The following LRRC7 variants were observed in gnomAD, a reference collection of about 807,000 sequenced individuals.
LRRC7 encodes leucine rich repeat containing 7, also known as leucine-rich repeat-containing protein 7.
LRRC7 carries 23 observed loss-of-function variants against 175.7 expected under a neutral mutation model. The ratio of observed to expected loss-of-function variants is 0.13; its 90% CI spans 0.09 to 0.19. The LOEUF is 0.19. Ranked by LOEUF, LRRC7 falls within the 10% of genes least tolerant of loss-of-function variation. The probability of loss-of-function intolerance (pLI) is 1.00; values close to 1 mark genes in which losing one functional copy is unlikely to be tolerated. For missense variants in LRRC7, 1,354 were observed against 1,904.7 expected (o/e 0.71, Z 5.38); for synonymous variants, 685 against 680.9 (o/e 1.01, Z -0.09).
At chr1:69,755,563 T>C (rs976809851) in intron 2 of LRRC7, among the ~76,000 whole-genome samples, 7 of 151,332 alleles carry the variant, frequency 4.6e-5, no homozygotes, top group Non-Finnish European at 1.0e-4. Context: ...CATATATACA[T>C]ACATATATAT....
In LRRC7 at chr1:70,143,054, C is replaced by T. The variant is rs1265859490; in HGVS notation, c.*21167C>T. The T allele has an allele frequency of 1.3e-5, 2 of 152,058 alleles. No individual in the cohort carries two copies. Among genetic ancestry groups the T allele is most frequent in the Admixed American group, 6.6e-5 (1 of 15,260 alleles). 9.4% of individuals were successfully genotyped at this position (152,058 alleles called of 1,614,324 possible). On this transcript the variant is annotated 3_prime_UTR_variant, in exon 27 of 27. Coordinates refer to ENST00000651989, the MANE Select transcript of LRRC7 (RefSeq NM_001370785.2). ...AATTTGTATTTTCCCATATGCCAAACACACACACATAAATTTTCTTTTTCT... is the reference window on the plus strand; with the variant it reads ...AATTTGTATTTTCCCATATGCCAAATACACACACATAAATTTTCTTTTTCT...
chr1:69,674,646 C>T (rs182078898), intron 1 of LRRC7, among the ~76,000 whole-genome samples: 22 of 152,084 alleles, frequency 1.4e-4, no homozygotes, highest in Admixed American at 4.6e-4. Flanking sequence ...TTAGTGTCCT[C>T]GGAAAATTGT....
At chr1:69,791,373 A>G (rs1463759276) in intron 3 of LRRC7, among the ~76,000 whole-genome samples, 1 of 152,040 alleles carries the variant, frequency 6.6e-6, no homozygotes, top group East Asian at 1.9e-4. Flanking sequence ...AGAAGCATCT[A>G]CCTCAACCAG....
chr1:69,805,521 A>T (rs996388630), intron 4 of LRRC7, among the ~76,000 whole-genome samples: 2 of 151,980 alleles, frequency 1.3e-5, no homozygotes, highest in Admixed American at 6.6e-5. Context: ...TCATTATTTT[A>T]TTCTATTAAA....
intron 1 of LRRC7, among the ~76,000 whole-genome samples, chr1:69,573,211 G>A (rs932775460): frequency 6.6e-5 from 10 of 152,286 alleles, no homozygotes; most frequent in East Asian, 5.8e-4. Context: ...TCCATGCCAC[G>A]TGGAAAGTGA....
chr1:69,664,419 C>T lies in LRRC7; in HGVS notation c.3-13962C>T, dbSNP rs539561295. Among the ~76,000 whole-genome samples, 3 of 152,256 alleles carry T rather than the reference C, an allele frequency of 2.0e-5. No individual in the cohort carries two copies. In the East Asian group the frequency reaches 5.8e-4, roughly 29 times the overall value. On this transcript the variant is annotated intron_variant, in intron 1 of 26. Coordinates refer to ENST00000651989, the MANE Select transcript of LRRC7 (RefSeq NM_001370785.2). The stretch of plus-strand genomic sequence containing the variant: ...ATAGTGGTTGTACTAATTTACATTC[C>T]TATCAGCTGTGTACGAGGACTCCCA...
At chr1:69,719,638 T>G (rs1666134876) in intron 2 of LRRC7, among the ~76,000 whole-genome samples, 1 of 151,694 alleles carries the variant, frequency 6.6e-6, no homozygotes, top group Admixed American at 6.6e-5. Flanking sequence ...TTTAGAAAGA[T>G]TACTCTTAAA....
At position 69,647,995 on chromosome 1, in the gene LRRC7, GT is replaced by G. The variant is rs537512586; in HGVS notation, c.3-30382del. On this transcript the variant is annotated intron_variant, in intron 1 of 26. Coordinates refer to ENST00000651989, the MANE Select transcript of LRRC7 (RefSeq NM_001370785.2). ...AAAATGCCTTTAGCTAATATAAAAT[GT>G]TTTCAAAAGTTTATCTAGTAATCCT... Among the ~76,000 whole-genome samples, 988 of 151,966 alleles carry G rather than the reference GT, an allele frequency of 6.5e-3. 5 individuals are homozygous for G. The highest frequency in any genetic ancestry group is 0.023 in the African/African-American group (935 of 41,466).
intron 23 of LRRC7, among the ~76,000 whole-genome samples, chr1:70,059,529 GTTC>G (rs1661417724): frequency 2.1e-5 from 3 of 144,596 alleles, no homozygotes; most frequent in Admixed American, 1.4e-4. Flanking sequence ...TCATTTTCAA[GTTC>G]TTATTATTCT....
At chr1:69,922,132 G>T in intron 7 of LRRC7, among the ~76,000 whole-genome samples, 1 of 152,044 alleles carries the variant, frequency 6.6e-6, no homozygotes. Context: ...CACCATGTTG[G>T]CCAGGCTGGT....
intron 2 of LRRC7, among the ~76,000 whole-genome samples, chr1:69,684,319 A>T (rs1395288297): frequency 6.6e-6 from 1 of 152,190 alleles, no homozygotes; most frequent in Non-Finnish European, 1.5e-5. Flanking sequence ...AATTTCAAAA[A>T]TAAAAATGCA....
chr1:69,982,238 T>C (rs976011280), intron 9 of LRRC7, among the ~76,000 whole-genome samples: 7 of 152,246 alleles, frequency 4.6e-5, no homozygotes, highest in Admixed American at 1.3e-4. Context: ...GTTTCATATG[T>C]ACTGCTAGCT....
intron 23 of LRRC7, among the ~76,000 whole-genome samples, chr1:70,063,581 T>C (rs1020093325): frequency 6.6e-6 from 1 of 152,090 alleles, no homozygotes; most frequent in Non-Finnish European, 1.5e-5. Flanking sequence ...AGTTGCCAGA[T>C]AGAGATGTCA....
At position 70,036,499 on chromosome 1, in the gene LRRC7, C is replaced by T; in HGVS notation, c.2163C>T (p.Ser721=). The part of the protein sequence containing the change: ...DKTHCLNNSV[S]SGTYSDYSPS... ...CTCACTGTCTGAATAACAGTGTTTC[C>T]TCAGGCACTTACTCAGACTACTCGC... Residue 721 remains serine, a synonymous_variant, in exon 20 of 27, where the codon TCC becomes TCT. Transcript: ENST00000651989. 6.2e-7 allele frequency: 1 copy of T among 1,613,968 alleles called. No individual in the cohort carries two copies. The highest frequency in any genetic ancestry group is 8.5e-7 in the Non-Finnish European group (1 of 1,179,906).
chr1:69,875,738 A>G (rs17131068), intron 7 of LRRC7, among the ~76,000 whole-genome samples: 56,142 of 151,898 alleles, frequency 0.37, 12,308 homozygotes, highest in East Asian at 0.55. Context: ...TAAAATGATA[A>G]TAAGATGAAA....
intron 1 of LRRC7, among the ~76,000 whole-genome samples, chr1:69,616,196 G>A (rs549399271): frequency 1.3e-5 from 2 of 151,986 alleles, no homozygotes; most frequent in East Asian, 1.9e-4. Context: ...TAATCATAAC[G>A]CAGTAAATAA....
intron 19 of LRRC7, 25 bp downstream of exon 19, chr1:70,036,257 A>C: frequency 2.5e-6 from 4 of 1,574,948 alleles, no homozygotes; most frequent in Non-Finnish European, 3.5e-6. Flanking sequence ...CCAATGTGGA[A>C]AATATGCTAC....
intron 26 of LRRC7, among the ~76,000 whole-genome samples, chr1:70,116,004 G>A (rs1332077694): frequency 6.6e-6 from 1 of 152,178 alleles, no homozygotes; most frequent in Non-Finnish European, 1.5e-5. Context: ...AAATTGGCTT[G>A]CAAATCAAGG....
intron 4 of LRRC7, among the ~76,000 whole-genome samples, chr1:69,796,774 A>C (rs1341824453): frequency 6.6e-6 from 1 of 152,004 alleles, no homozygotes; most frequent in Non-Finnish European, 1.5e-5. Context: ...AGCCTGGGCA[A>C]CAAGAGCGAA....
Sources: allele counts gnomAD v4.1 joint callset (sites outside exome capture counted in the v4.1 genomes callset), GRCh38; gene constraint gnomAD v4.1.1; transcripts MANE v1.5; gene names NCBI Gene and HGNC (gene_info 2026-07-23, HGNC 2026-07-21).